KCND3: variants seen among roughly 807,000 people sequenced by gnomAD.
The protein encoded by KCND3 is A-type voltage-gated potassium channel KCND3.
Under a neutral mutation model 51.1 loss-of-function variants are expected in KCND3, and 9 were observed. The ratio of observed to expected loss-of-function variants is 0.18; its 90% confidence interval spans 0.11 to 0.31. KCND3 has a LOEUF of 0.31. Among genes scored for constraint, KCND3 ranks in the 10% least tolerant of loss-of-function variants. The probability of loss-of-function intolerance (pLI) is 1.00; values close to 1 mark genes in which losing one functional copy is unlikely to be tolerated. For missense variants in KCND3, 526 were observed against 903.8 expected, an observed-to-expected ratio of 0.58 and a Z score of 5.36; for synonymous variants, 349 against 368.0, an observed-to-expected ratio of 0.95 and a Z score of 0.59.
intron 2 of KCND3, among the ~76,000 whole-genome samples, chr1:111,939,396 C>T (rs1672380062): frequency 6.6e-6 from 1 of 152,150 alleles, no homozygotes; most frequent in South Asian, 2.1e-4. Flanking sequence ...CACCCCCCAA[C>T]AGGCCCGGGT....
chr1:111,906,629 C>T (rs1670660362), intron 2 of KCND3, among the ~76,000 whole-genome samples: 1 of 152,198 alleles, frequency 6.6e-6, no homozygotes, highest in South Asian at 2.1e-4. Context: ...TCTCTCAGGA[C>T]ACTGCTTCTT....
intron 2 of KCND3, among the ~76,000 whole-genome samples, chr1:111,886,832 C>G (rs1187806308): frequency 6.6e-6 from 1 of 152,182 alleles, no homozygotes; most frequent in Non-Finnish European, 1.5e-5. Flanking sequence ...TGTGTGACCC[C>G]AACACATATA....
intron 2 of KCND3, among the ~76,000 whole-genome samples, chr1:111,889,259 C>T (rs1407151896): frequency 1.3e-5 from 2 of 152,216 alleles, no homozygotes; most frequent in Non-Finnish European, 2.9e-5. Flanking sequence ...AATGGGTCTG[C>T]CCCATGGACT....
chr1:111,942,712 A>G (rs1672584301), intron 2 of KCND3, among the ~76,000 whole-genome samples: 1 of 152,200 alleles, frequency 6.6e-6, no homozygotes. Context: ...GGGAACCCAA[A>G]CCAAGACACA....
intron 2 of KCND3, chr1:111,853,679 T>C (rs900919533): frequency 2.0e-5 from 3 of 152,194 alleles, no homozygotes; most frequent in African/African-American, 7.2e-5. Flanking sequence ...CCTACTAGAG[T>C]GTAAGCTCCA....
At chr1:111,788,139 C>A (rs1664687439) in intron 2 of KCND3, among the ~76,000 whole-genome samples, 1 of 152,252 alleles carries the variant, frequency 6.6e-6, no homozygotes, top group South Asian at 2.1e-4. Flanking sequence ...GGCATGCAGG[C>A]CAGAGCCTCT....
chr1:111,779,094 C>G (rs1020493302), intron 5 of KCND3, among the ~76,000 whole-genome samples: 3 of 152,168 alleles, frequency 2.0e-5, no homozygotes, highest in African/African-American at 7.2e-5. Context: ...CTAGGGTTTG[C>G]AGAGCACCTT....
At chr1:111,925,267 G>A (rs991793225) in intron 2 of KCND3, among the ~76,000 whole-genome samples, 5 of 152,242 alleles carry the variant, frequency 3.3e-5, no homozygotes, top group Non-Finnish European at 5.9e-5. Context: ...CTGTACGTGG[G>A]TTAACTCATT....
chr1:111,846,148 T>C (rs1667537063), intron 2 of KCND3, among the ~76,000 whole-genome samples: 1 of 152,242 alleles, frequency 6.6e-6, no homozygotes, highest in Non-Finnish European at 1.5e-5. Context: ...TGTGAGTGAA[T>C]GAGGGACTAT....
At chr1:111,857,299 C>T (rs533663190) in intron 2 of KCND3, among the ~76,000 whole-genome samples, 6 of 152,280 alleles carry the variant, frequency 3.9e-5, no homozygotes, top group Non-Finnish European at 7.4e-5. Flanking sequence ...GGGGTCACAG[C>T]GCGTGCTGAG....
At chr1:111,924,703 G>A (rs180947701) in intron 2 of KCND3, among the ~76,000 whole-genome samples, 204 of 152,358 alleles carry the variant, frequency 1.3e-3, no homozygotes, top group African/African-American at 4.7e-3. Context: ...GTAGCTCAGG[G>A]CTATTTCAGG....
chr1:111,939,685 T>C (rs1157455486), intron 2 of KCND3, among the ~76,000 whole-genome samples: 2 of 152,250 alleles, frequency 1.3e-5, no homozygotes, highest in African/African-American at 4.8e-5. Flanking sequence ...ACAATAAACA[T>C]ACGTGTGCAT....
At chr1:111,964,752 T>C (rs1673874430) in intron 2 of KCND3, among the ~76,000 whole-genome samples, 1 of 151,916 alleles carries the variant, frequency 6.6e-6, no homozygotes, top group South Asian at 2.1e-4. Context: ...AAGGAGGGGG[T>C]ATTGTCCTAC....
intron 2 of KCND3, among the ~76,000 whole-genome samples, chr1:111,950,499 T>C (rs555443853): frequency 6.6e-5 from 10 of 152,244 alleles, no homozygotes; most frequent in Non-Finnish European, 1.3e-4. Flanking sequence ...GCACTGTGCC[T>C]GGTGCCCAGC....
chr1:111,838,482 C>A (rs1667173969), intron 2 of KCND3, among the ~76,000 whole-genome samples: 1 of 151,976 alleles, frequency 6.6e-6, no homozygotes, highest in Non-Finnish European at 1.5e-5. Flanking sequence ...ATAGTGAAAC[C>A]CCGTCTCTAC....
intron 2 of KCND3, among the ~76,000 whole-genome samples, chr1:111,897,445 G>A (rs1266723328): frequency 3.3e-5 from 5 of 152,228 alleles, no homozygotes; most frequent in Non-Finnish European, 5.9e-5. Context: ...TGCCGCCTCC[G>A]GAGGTGCTTT....
chr1:111,977,870 T>G (rs1329910841), intron 2 of KCND3, among the ~76,000 whole-genome samples: 3 of 152,226 alleles, frequency 2.0e-5, no homozygotes, highest in Admixed American at 2.0e-4. Context: ...TATTGGGAGT[T>G]CTATGTTATC....
At chr1:111,838,526 A>G (rs907630297) in intron 2 of KCND3, among the ~76,000 whole-genome samples, 3 of 152,008 alleles carry the variant, frequency 2.0e-5, no homozygotes, top group South Asian at 2.1e-4. Flanking sequence ...GCATGGTGGC[A>G]GGCGCCTGTA....
chr1:111,910,798 A>G (rs1411760586), intron 2 of KCND3: 1 of 152,228 alleles, frequency 6.6e-6, no homozygotes, highest in East Asian at 1.9e-4. Context: ...CGAAGACCAG[A>G]ACTGGTCATT....
Sources: allele counts gnomAD v4.1 joint callset (sites outside exome capture counted in the v4.1 genomes callset), GRCh38; gene constraint gnomAD v4.1.1; transcripts MANE v1.5; gene names NCBI Gene and HGNC (gene_info 2026-07-23, HGNC 2026-07-21).